Variants in PIK3C2G observed in about 807,000 individuals in gnomAD.
The protein encoded by PIK3C2G is phosphatidylinositol 3-kinase C2 domain-containing subunit gamma.
Under a neutral mutation model 181.1 loss-of-function variants are expected in PIK3C2G, and 168 were observed. The observed-to-expected ratio is 0.93, with a 90% CI of 0.82 to 1.05. The LOEUF is 1.05. Among genes scored for constraint, PIK3C2G ranks in the 50% least tolerant of loss-of-function variants. The pLI, the probability that PIK3C2G is intolerant of heterozygous loss-of-function variation, is 0.00. For missense variants in PIK3C2G, 1,869 were observed against 1,732.8 expected, an observed-to-expected ratio of 1.08 and a Z score of -1.40; for synonymous variants, 573 against 592.2, an observed-to-expected ratio of 0.97 and a Z score of 0.47.
At chr12:18,658,188 A>G in the PIK3C2G span, among the ~76,000 whole-genome samples, 1 of 152,166 alleles carries the variant, frequency 6.6e-6, no homozygotes, top group Non-Finnish European at 1.5e-5. Context: ...AGATCCTAAG[A>G]GACCTATGAA....
chr12:18,373,645 C>T (rs923323520), intron 13 of PIK3C2G, among the ~76,000 whole-genome samples: 14 of 152,020 alleles, frequency 9.2e-5, no homozygotes, highest in African/African-American at 2.9e-4. Context: ...GTCAGGAGAT[C>T]GAGACCATCC....
intron 16 of PIK3C2G, among the ~76,000 whole-genome samples, chr12:18,403,204 A>C (rs1371578200): frequency 1.3e-5 from 2 of 152,168 alleles, no homozygotes; most frequent in African/African-American, 4.8e-5. Context: ...TTTCTGAATA[A>C]TCAGATTTTT....
At chr12:18,275,530 C>G (rs1336319703) in intron 1 of PIK3C2G, among the ~76,000 whole-genome samples, 1 of 152,042 alleles carries the variant, frequency 6.6e-6, no homozygotes, top group Admixed American at 6.5e-5. Context: ...TACAGGCGTC[C>G]GCCACCACGC....
chr12:18,674,651 A>G, the PIK3C2G span, among the ~76,000 whole-genome samples: 20 of 152,264 alleles, frequency 1.3e-4, no homozygotes, highest in African/African-American at 4.8e-4. Flanking sequence ...CATGGTCACA[A>G]ATTTTTTGCA....
At chr12:18,274,768 C>T (rs112390706) in intron 1 of PIK3C2G, among the ~76,000 whole-genome samples, 2,687 of 152,112 alleles carry the variant, frequency 0.018, 72 homozygotes, top group African/African-American at 0.061. Context: ...CAAACCTGCA[C>T]GTTGTGCACA....
At chr12:18,596,422 A>G (rs1034781630) in intron 30 of PIK3C2G, among the ~76,000 whole-genome samples, 1 of 152,084 alleles carries the variant, frequency 6.6e-6, no homozygotes, top group African/African-American at 2.4e-5. Context: ...TAACTCTCTA[A>G]TGACATGATC....
At chr12:18,455,845 G>A (rs897155296) in intron 18 of PIK3C2G, among the ~76,000 whole-genome samples, 1 of 152,108 alleles carries the variant, frequency 6.6e-6, no homozygotes, top group Non-Finnish European at 1.5e-5. Context: ...TTCAGCATAC[G>A]AATTTTGGAG....
intron 24 of PIK3C2G, among the ~76,000 whole-genome samples, chr12:18,520,183 T>C (rs564064869): frequency 1.2e-3 from 175 of 152,120 alleles, no homozygotes; most frequent in Non-Finnish European, 2.2e-3. Context: ...GAGAATCTGA[T>C]GATTATGTGT....
intron 3 of PIK3C2G, among the ~76,000 whole-genome samples, chr12:18,289,895 A>AG (rs397731275): frequency 1.3e-5 from 2 of 151,852 alleles, no homozygotes; most frequent in African/African-American, 4.8e-5. Context: ...CATAAAAAAA[A>AG]CAAGATTTCA....
chr12:18,605,199 A>C (rs958058119), intron 30 of PIK3C2G, among the ~76,000 whole-genome samples: 6 of 152,188 alleles, frequency 3.9e-5, no homozygotes. Context: ...ATGAAACGGG[A>C]GATATTACAA....
chr12:18,391,265 G>A lies in PIK3C2G; in HGVS notation c.2126+13G>A. 6.5e-7 allele frequency: 1 copy of A among 1,543,082 alleles called. No homozygotes were observed. The highest frequency in any genetic ancestry group is 8.7e-7 in the Non-Finnish European group (1 of 1,147,920). Reference sequence around the variant, plus strand: ...AGACTCCCCTACTGTAAGTGACCTAGGTCTTGTGAATGAATTTTTGCCTGC... The same window carrying A: ...AGACTCCCCTACTGTAAGTGACCTAAGTCTTGTGAATGAATTTTTGCCTGC... On this transcript the variant is annotated intron_variant, in intron 15 of 32. Coordinates refer to ENST00000538779, the MANE Select transcript of PIK3C2G (RefSeq NM_001288772.2).
intron 24 of PIK3C2G, among the ~76,000 whole-genome samples, chr12:18,533,821 T>C (rs1359226351): frequency 6.6e-6 from 1 of 152,000 alleles, no homozygotes; most frequent in African/African-American, 2.4e-5. Context: ...GATCTGCAAA[T>C]GCTTAATGAT....
rs546106480 is a variant in PIK3C2G at position 18,558,346 on chromosome 12, G to A, written c.3591-4357G>A. ...ATTTAAAAATATGATTTAATGCTAT[G>A]TTCTGAATTAGAAAGATTGTTCAGT... On this transcript the variant is annotated intron_variant, in intron 26 of 32. Transcript: ENST00000538779. 2.0e-5 allele frequency among the ~76,000 whole-genome samples: 3 copies of A among 152,284 alleles called. No homozygotes were observed. In the East Asian group the frequency reaches 5.8e-4, roughly 29 times the overall value.
At chr12:18,297,286 T>A (rs1949982060) in intron 5 of PIK3C2G, among the ~76,000 whole-genome samples, 1 of 152,096 alleles carries the variant, frequency 6.6e-6, no homozygotes, top group Non-Finnish European at 1.5e-5. Flanking sequence ...TTTTCTCTTA[T>A]TACTCTCTAG....
intron 16 of PIK3C2G, among the ~76,000 whole-genome samples, chr12:18,416,536 G>A (rs141400456): frequency 6.6e-6 from 1 of 152,158 alleles, no homozygotes; most frequent in African/African-American, 2.4e-5. Context: ...TTAGGACTAT[G>A]CAGCTGGCGA....
At chr12:18,634,293 A>G (rs1362195334) in intron 31 of PIK3C2G, among the ~76,000 whole-genome samples, 1 of 152,178 alleles carries the variant, frequency 6.6e-6, no homozygotes, top group Non-Finnish European at 1.5e-5. Flanking sequence ...TTCTAAGATA[A>G]AGGATAAGTT....
chr12:18,688,353 C>T, the PIK3C2G span: 9 of 853,644 alleles, frequency 1.1e-5, no homozygotes, highest in East Asian at 1.6e-4. Flanking sequence ...AAGTGGAATA[C>T]AATACAAATT....
chr12:18,486,095 T>C (rs147586076), intron 18 of PIK3C2G, among the ~76,000 whole-genome samples: 1 of 152,284 alleles, frequency 6.6e-6, no homozygotes, highest in African/African-American at 2.4e-5. Flanking sequence ...AATAGAATAA[T>C]TGACCTCTCG....
Position 18,640,458 on chromosome 12 carries a change from A to C in PIK3C2G, c.4212A>C (p.Ala1404=), listed in dbSNP as rs1054107175. The change falls in exon 32 of 33, where the codon GCA becomes GCC. Residue 1404 remains alanine (A), a synonymous_variant. Coordinates refer to ENST00000538779, the MANE Select transcript of PIK3C2G (RefSeq NM_001288772.2). ...TCCCAGATGGCTCTGCGCCCAGTGCACATGTTGAATTTTATCTTTTACCAT... is the reference window on the plus strand; with the variant it reads ...TCCCAGATGGCTCTGCGCCCAGTGCCCATGTTGAATTTTATCTTTTACCAT... The part of the protein sequence containing the change: ...IHLPDGSAPS[A]HVEFYLLPYP... The C allele has an allele frequency of 5.6e-6, 9 of 1,610,298 alleles. No homozygotes were observed. The highest frequency in any genetic ancestry group is 1.6e-4 in the Middle Eastern group (1 of 6,068).
Sources: gnomAD v4.1 joint callset for allele counts (sites outside exome capture counted in the v4.1 genomes callset) on GRCh38, gnomAD v4.1.1 for gene constraint, MANE v1.5 for transcripts, NCBI Gene and HGNC (gene_info 2026-07-23, HGNC 2026-07-21) for gene names.